KCNH1: variants seen among roughly 807,000 people sequenced by gnomAD.
KCNH1 encodes potassium voltage-gated channel subfamily H member 1.
In KCNH1, 27 loss-of-function variants were observed where a neutral mutation model predicts 69.2. The observed-to-expected ratio is 0.39, with a 90% CI of 0.29 to 0.54. The LOEUF (loss-of-function observed/expected upper bound fraction) is 0.54, where lower values mean the gene tolerates loss of function less well. Among genes scored for constraint, KCNH1 ranks in the 20% least tolerant of loss-of-function variants. The pLI, the probability that KCNH1 is intolerant of heterozygous loss-of-function variation, is 0.68. For synonymous variants in KCNH1, 456 were observed against 487.7 expected (o/e 0.93, Z 0.86); for missense variants, 798 against 1,261.6 (o/e 0.63, Z 5.57).
At chr1:210,946,407 G>A (rs998248335) in intron 6 of KCNH1, among the ~76,000 whole-genome samples, 2 of 152,148 alleles carry the variant, frequency 1.3e-5, no homozygotes, top group African/African-American at 4.8e-5. Context: ...TTCAGAATCA[G>A]AAATCCTTTC....
At chr1:210,916,144 G>A (rs772409734) in intron 7 of KCNH1, among the ~76,000 whole-genome samples, 28 of 152,238 alleles carry the variant, frequency 1.8e-4, no homozygotes, top group Middle Eastern at 3.4e-3. Context: ...TGTACAGGAA[G>A]GAGGTCAGTG....
At chr1:210,787,534 T>C (rs745780179) in intron 9 of KCNH1, among the ~76,000 whole-genome samples, 54 of 152,180 alleles carry the variant, frequency 3.5e-4, no homozygotes, top group South Asian at 2.1e-4. Flanking sequence ...TTCACATCAA[T>C]GAAAGCATGC....
At chr1:210,817,387 T>C (rs73069579) in intron 7 of KCNH1, among the ~76,000 whole-genome samples, 26,408 of 152,224 alleles carry the variant, frequency 0.17, 2,531 homozygotes, top group African/African-American at 0.26. Context: ...CTGATGCTTA[T>C]ATAGCTCTTA....
At chr1:210,856,898 T>TATATATATATATATATATATAAAA (rs1410330503) in intron 7 of KCNH1, among the ~76,000 whole-genome samples, 2 of 121,690 alleles carry the variant, frequency 1.6e-5, no homozygotes, top group South Asian at 3.0e-4. Context: ...TATATATATA[T>TATATATATATATATATATATAAAA]AAAATACTCA....
chr1:211,063,072 G>A (rs999050973), intron 5 of KCNH1, among the ~76,000 whole-genome samples: 3 of 152,134 alleles, frequency 2.0e-5, no homozygotes, highest in East Asian at 1.9e-4. Context: ...GTGCATCGAT[G>A]GATGAATGGG....
chr1:210,775,293 T>C (rs1683838833), intron 10 of KCNH1, 55 bp downstream of exon 10: 2 of 1,483,410 alleles, frequency 1.3e-6, no homozygotes, highest in Admixed American at 1.8e-5. Context: ...ACAGTGATTA[T>C]CCAAAGTGTA....
chr1:210,887,926 C>T (rs190568677), intron 7 of KCNH1, among the ~76,000 whole-genome samples: 78 of 152,188 alleles, frequency 5.1e-4, no homozygotes, highest in South Asian at 3.3e-3. Context: ...TTCTAAGAGA[C>T]CTACAAAGAG....
At chr1:210,718,738 G>T (rs1682374429) in intron 10 of KCNH1, among the ~76,000 whole-genome samples, 1 of 146,618 alleles carries the variant, frequency 6.8e-6, no homozygotes, top group African/African-American at 2.5e-5. Context: ...TCTATTTTAT[G>T]CTGGCAGCAC....
At chr1:210,966,429 C>T (rs1337572653) in intron 6 of KCNH1, among the ~76,000 whole-genome samples, 1 of 152,128 alleles carries the variant, frequency 6.6e-6, no homozygotes, top group Non-Finnish European at 1.5e-5. Flanking sequence ...AAAGAAACTA[C>T]CATCAGAGTG....
intron 6 of KCNH1, among the ~76,000 whole-genome samples, chr1:210,962,997 T>C (rs1181519150): frequency 6.6e-6 from 1 of 151,668 alleles, no homozygotes; most frequent in East Asian, 1.9e-4. Context: ...GCCTATTAAT[T>C]TACTGGGTTC....
intron 7 of KCNH1, among the ~76,000 whole-genome samples, chr1:210,888,147 C>A (rs1686657530): frequency 6.6e-6 from 1 of 152,024 alleles, no homozygotes; most frequent in Non-Finnish European, 1.5e-5. Context: ...AAATTGACCA[C>A]AAAATTGGAA....
intron 5 of KCNH1, among the ~76,000 whole-genome samples, chr1:211,047,991 T>A (rs1265212369): frequency 1.3e-5 from 2 of 149,194 alleles, no homozygotes; most frequent in Non-Finnish European, 1.5e-5. Flanking sequence ...TGAAAACATA[T>A]GAAAAAATAA....
At chr1:211,080,387 T>A (rs954013537) in intron 5 of KCNH1, among the ~76,000 whole-genome samples, 2 of 152,164 alleles carry the variant, frequency 1.3e-5, no homozygotes, top group African/African-American at 2.4e-5. Context: ...AAAATGGCCA[T>A]ACTGCCCAAA....
rs148292154 is a variant in KCNH1 at position 211,012,797 on chromosome 1, C to T, written c.1032+5986G>A. Among the ~76,000 whole-genome samples the T allele has an allele frequency of 1.6e-4, 25 of 152,074 alleles. No homozygotes were observed. In the East Asian group the frequency reaches 4.8e-3, roughly 29 times the overall value. On this transcript the variant is annotated intron_variant, in intron 6 of 10. Transcript: ENST00000271751. ...TATATGCTATATGAACTTTGGCTAA[C>T]AATAATGTATTAATATTGGCTCATC... is the stretch of plus-strand genomic sequence containing the variant.
intron 10 of KCNH1, among the ~76,000 whole-genome samples, chr1:210,699,418 G>T (rs1204678818): frequency 6.6e-6 from 1 of 152,204 alleles, no homozygotes; most frequent in Non-Finnish European, 1.5e-5. Context: ...TGTAGCATGA[G>T]TACAAGAATG....
At chr1:210,708,830 A>G (rs1227569409) in intron 10 of KCNH1, among the ~76,000 whole-genome samples, 2 of 152,242 alleles carry the variant, frequency 1.3e-5, no homozygotes, top group Non-Finnish European at 2.9e-5. Context: ...AACAGACCCT[A>G]ACTCCTCCAA....
chr1:210,775,206 G>A (rs944962397), intron 10 of KCNH1, 142 bp downstream of exon 10: 16 of 683,356 alleles, frequency 2.3e-5, no homozygotes, highest in Admixed American at 2.9e-5. Flanking sequence ...CAAAAGCCCC[G>A]CAGAGCAAAC....
At chr1:210,757,592 G>A (rs138216247) in intron 10 of KCNH1, among the ~76,000 whole-genome samples, 1 of 152,320 alleles carries the variant, frequency 6.6e-6, no homozygotes, top group East Asian at 1.9e-4. Flanking sequence ...ACTCAACTGA[G>A]AGCTGAAGGT....
intron 7 of KCNH1, among the ~76,000 whole-genome samples, chr1:210,846,760 C>T (rs1685558935): frequency 1.3e-5 from 2 of 151,710 alleles, no homozygotes; most frequent in Admixed American, 1.3e-4. Flanking sequence ...AGCTTCTGCA[C>T]AGCAAAAGAA....
Sources: allele counts gnomAD v4.1 joint callset (sites outside exome capture counted in the v4.1 genomes callset), GRCh38; gene constraint gnomAD v4.1.1; transcripts MANE v1.5; gene names NCBI Gene and HGNC (gene_info 2026-07-23, HGNC 2026-07-21).